The following LTBP1 variants were observed in gnomAD, a reference collection of about 807,000 sequenced individuals.
The protein encoded by LTBP1 is latent transforming growth factor beta binding protein 1, also known as latent-transforming growth factor beta-binding protein 1.
LTBP1 carries 129 observed loss-of-function variants against 207.6 expected under a neutral mutation model. The ratio of observed to expected loss-of-function variants is 0.62; its 90% CI spans 0.54 to 0.72. The LOEUF (loss-of-function observed/expected upper bound fraction) is 0.72. Among genes scored for constraint, LTBP1 ranks in the 30% least tolerant of loss-of-function variants. The pLI, the probability that LTBP1 is intolerant of heterozygous loss-of-function variation, is 0.00. For missense variants in LTBP1, 2,281 were observed against 2,217.2 expected (o/e 1.03, Z -0.58); for synonymous variants, 963 against 833.7 (o/e 1.16, Z -2.67).
At chr2:33,352,288 C>T (rs1441847323) in intron 26 of LTBP1, among the ~76,000 whole-genome samples, 1 of 151,978 alleles carries the variant, frequency 6.6e-6, no homozygotes, top group African/African-American at 2.4e-5. Context: ...CATACCACCA[C>T]GCCCGGCTAA....
intron 12 of LTBP1, among the ~76,000 whole-genome samples, chr2:33,258,705 A>T (rs1284964035): frequency 6.6e-6 from 1 of 152,184 alleles, no homozygotes; most frequent in Admixed American, 6.5e-5. Flanking sequence ...GGTTAGGCAG[A>T]ATAGAAGGTT....
At chr2:33,267,458 C>G (rs1390851324) in intron 15 of LTBP1, among the ~76,000 whole-genome samples, 3 of 152,234 alleles carry the variant, frequency 2.0e-5, no homozygotes, top group East Asian at 1.9e-4. Context: ...ATGGCCATGG[C>G]TAAAATTGTT....
chr2:33,005,530 A>T (rs1452569452), intron 2 of LTBP1, among the ~76,000 whole-genome samples: 1 of 151,438 alleles, frequency 6.6e-6, no homozygotes, highest in African/African-American at 2.4e-5. Context: ...GCACTTCTGC[A>T]TGTCACTTTC....
intron 7 of LTBP1, among the ~76,000 whole-genome samples, chr2:33,193,833 A>G (rs1348457727): frequency 6.6e-6 from 1 of 152,098 alleles, no homozygotes. Flanking sequence ...TGCTCTACCA[A>G]CTGGCCATTC....
chr2:33,360,220 C>A (rs1452702858), intron 26 of LTBP1, among the ~76,000 whole-genome samples: 1 of 152,086 alleles, frequency 6.6e-6, no homozygotes, highest in African/African-American at 2.4e-5. Flanking sequence ...GACCCGTGGT[C>A]AAGTATTTGG....
intron 2 of LTBP1, among the ~76,000 whole-genome samples, chr2:33,011,827 C>G (rs954261158): frequency 1.3e-5 from 2 of 151,926 alleles, no homozygotes; most frequent in Admixed American, 6.6e-5. Context: ...CAAACCTGAT[C>G]GCTTATGAAA....
At chr2:32,992,479 A>G (rs777152147) in intron 2 of LTBP1, among the ~76,000 whole-genome samples, 2 of 152,192 alleles carry the variant, frequency 1.3e-5, no homozygotes, top group Non-Finnish European at 2.9e-5. Flanking sequence ...CTCAGCATGT[A>G]GGATGCTTGC....
At chr2:33,033,612 G>A (rs2075784695) in intron 3 of LTBP1, among the ~76,000 whole-genome samples, 1 of 144,010 alleles carries the variant, frequency 6.9e-6, no homozygotes, top group Admixed American at 7.0e-5. Context: ...GGAAAAAAGG[G>A]ACTTTTTTTT....
chr2:33,233,375 G>A (rs1343852615), intron 9 of LTBP1, among the ~76,000 whole-genome samples: 1 of 151,812 alleles, frequency 6.6e-6, no homozygotes, highest in Admixed American at 6.6e-5. Context: ...ATAAATTATT[G>A]TTCATAGCTA....
chr2:33,393,168 A>G (rs2095329543), intron 32 of LTBP1, among the ~76,000 whole-genome samples: 1 of 142,852 alleles, frequency 7.0e-6, no homozygotes, highest in South Asian at 2.2e-4. Context: ...CCAGTACCCA[A>G]TAGTTATTAC....
chr2:33,269,119 A>T (rs2093256979), intron 15 of LTBP1, among the ~76,000 whole-genome samples: 1 of 152,198 alleles, frequency 6.6e-6, no homozygotes, highest in South Asian at 2.1e-4. Context: ...TCATTCATTC[A>T]TTCATTCATT....
At chr2:33,347,790 G>A (rs1466502971) in intron 26 of LTBP1, among the ~76,000 whole-genome samples, 1 of 152,194 alleles carries the variant, frequency 6.6e-6, no homozygotes, top group African/African-American at 2.4e-5. Context: ...ATTTGCTGGG[G>A]ATTGCTTAAA....
intron 3 of LTBP1, among the ~76,000 whole-genome samples, chr2:33,045,297 G>T (rs2076390693): frequency 6.6e-6 from 1 of 152,170 alleles, no homozygotes; most frequent in Non-Finnish European, 1.5e-5. Flanking sequence ...TGTATAAGGT[G>T]TAAGGAAGGG....
Position 33,342,915 on chromosome 2 carries a change from C to A in LTBP1, c.3808C>A (p.Leu1270Ile). The change falls in exon 25 of 34, where the codon CTC becomes ATC. Residue 1270 changes from leucine to isoleucine, a missense_variant. Coordinates refer to ENST00000404816, the MANE Select transcript of LTBP1 (RefSeq NM_206943.4). ...CDNTAGSFRC[L>I]CYQGFQAPQD... ...CAATACAGCTGGCTCCTTCCGCTGC[C>A]TCTGTTATCAGGGCTTTCAAGCCCC... The A allele has an allele frequency of 6.2e-7, 1 of 1,614,106 alleles. No homozygotes were observed. Among genetic ancestry groups the A allele is most frequent in the Non-Finnish European group, 8.5e-7 (1 of 1,179,964 alleles).
rs1553372179 is a variant in LTBP1, at chr2:33,021,105, T to G, written c.762T>G (p.Ser254=). Residue 254 remains serine, a synonymous_variant, in exon 3 of 34, where the codon TCT becomes TCG. Transcript: ENST00000404816. ...AGCAAGCAGCAAAGCATACTTCATC[T>G]AAGAAGGCAGACACTCTACCAAGAG... is the stretch of plus-strand genomic sequence containing the variant. ...PPEQAAKHTS[S]KKADTLPRVS... is the part of the protein sequence containing the mutation. 4.3e-6 allele frequency: 7 copies of G among 1,613,986 alleles called. No homozygotes were observed. The East Asian group carries it at 1.6e-4, about 36-fold the overall frequency.
At chr2:33,217,423 T>A in intron 7 of LTBP1, 129 bp from the exon 8 acceptor site, 3 of 548,722 alleles carry the variant, frequency 5.5e-6, no homozygotes, top group South Asian at 5.3e-5. Context: ...GTTTTATAGT[T>A]TTTTTCCTTT....
intron 2 of LTBP1, among the ~76,000 whole-genome samples, chr2:32,972,320 A>C (rs1475713547): frequency 7.3e-6 from 1 of 137,862 alleles, no homozygotes; most frequent in Non-Finnish European, 1.6e-5. Context: ...GATTTTGGTT[A>C]TTTCCTGTCT....
At chr2:33,196,188 C>A (rs140805542) in intron 7 of LTBP1, among the ~76,000 whole-genome samples, 185 of 152,084 alleles carry the variant, frequency 1.2e-3, no homozygotes, top group African/African-American at 4.2e-3. Context: ...GAGATATTGC[C>A]CGTAGTTTCA....
chr2:33,057,978 G>T (rs1051627842), intron 3 of LTBP1, among the ~76,000 whole-genome samples: 1 of 152,246 alleles, frequency 6.6e-6, no homozygotes, highest in Non-Finnish European at 1.5e-5. Flanking sequence ...CTGCCAGCAC[G>T]CTGTCACCTC....
Sources: gnomAD v4.1 joint callset for allele counts (sites outside exome capture counted in the v4.1 genomes callset) on GRCh38, gnomAD v4.1.1 for gene constraint, MANE v1.5 for transcripts, NCBI Gene and HGNC (gene_info 2026-07-23, HGNC 2026-07-21) for gene names.